NUBP1: variants seen among roughly 807,000 people sequenced by gnomAD.
NUBP1 encodes NUBP iron-sulfur cluster assembly factor 1, cytosolic.
Under a neutral mutation model 41.8 loss-of-function variants are expected in NUBP1, and 46 were observed. The observed-to-expected ratio is 1.10, with a 90% CI of 0.87 to 1.41. NUBP1 has a LOEUF of 1.41. NUBP1 is among the 40% of genes most tolerant of loss of function. NUBP1 has a pLI of 0.00. For synonymous variants in NUBP1, 189 were observed against 154.6 expected (o/e 1.22, Z -1.65); for missense variants, 494 against 414.0 (o/e 1.19, Z -1.68).
At chr16:10,748,489 C>G (rs992477636) in intron 3 of NUBP1, among the ~76,000 whole-genome samples, 1 of 152,100 alleles carries the variant, frequency 6.6e-6, no homozygotes, top group Middle Eastern at 3.2e-3. Flanking sequence ...AGCACACACT[C>G]TGGAGTCAGA....
Position 10,759,495 on chromosome 16 carries a change from T to C in NUBP1, c.606+1468T>C, listed in dbSNP as rs538881507. Among the ~76,000 whole-genome samples the C allele has an allele frequency of 6.6e-6, 1 of 152,192 alleles. No individual in the cohort carries two copies. Among genetic ancestry groups the C allele is most frequent in the South Asian group, 2.1e-4 (1 of 4,830 alleles). On this transcript the variant is annotated intron_variant, in intron 7 of 10. Transcript: ENST00000283027. This position sits in a 1 kb window ranked among gnomAD's most constrained non-coding sequence, Gnocchi z 4.7. ...CCCATTTTTAAAAAGTGGTTGGTGC[T>C]GGGCACACTGGCTCATGTCTGTAAT...
Position 10,749,865 on chromosome 16 carries a change from G to A in NUBP1, c.258+2589G>A, listed in dbSNP as rs1357132668. On this transcript the variant is annotated intron_variant, in intron 3 of 10. Coordinates refer to ENST00000283027, the MANE Select transcript of NUBP1 (RefSeq NM_002484.4). The surrounding 1 kb of genome is among the most constrained non-coding windows in gnomAD (Gnocchi z 4.1). ...AGCAGAATTAGAAAACACCCCTGAC[G>A]AGTCACAGGCTGCCCAGGGAGTGTG... Among the ~76,000 whole-genome samples, 1 of 152,196 alleles carries A rather than the reference G, an allele frequency of 6.6e-6. No individual in the cohort carries two copies. The highest frequency in any genetic ancestry group is 1.5e-5 in the Non-Finnish European group (1 of 68,042).
At chr16:10,750,289 G>A (rs1297811842) in intron 3 of NUBP1, among the ~76,000 whole-genome samples, 1 of 152,178 alleles carries the variant, frequency 6.6e-6, no homozygotes, top group Non-Finnish European at 1.5e-5. Flanking sequence ...CTTTTGCCCA[G>A]GCTGGAGTGC....
Position 10,767,247 on chromosome 16 carries a change from T to C in NUBP1, c.821-702T>C, listed in dbSNP as rs1470836223. The C allele has an allele frequency of 1.8e-5, 7 of 399,714 alleles. No homozygotes were observed. The East Asian group carries it at 2.5e-4, about 14-fold the overall frequency. 24.8% of individuals were successfully genotyped at this position (399,714 alleles called of 1,614,324 possible). On this transcript the variant is annotated intron_variant, in intron 9 of 10. Coordinates refer to ENST00000283027, the MANE Select transcript of NUBP1 (RefSeq NM_002484.4). This position sits in a 1 kb window ranked among gnomAD's most constrained non-coding sequence, Gnocchi z 4.6. ...AGGCGAGAACACCCCCATTGACCCCTAGCCCCTTGTGTCCTGTCCACCTGG... is the reference window on the plus strand; with the variant it reads ...AGGCGAGAACACCCCCATTGACCCCCAGCCCCTTGTGTCCTGTCCACCTGG...
In NUBP1 at chr16:10,757,655, A is replaced by T. The variant is rs1900647615; in HGVS notation, c.452-218A>T. On this transcript the variant is annotated intron_variant, in intron 6 of 10. Transcript: ENST00000283027. This position sits in a 1 kb window ranked among gnomAD's most constrained non-coding sequence, Gnocchi z 4.1. The stretch of plus-strand genomic sequence containing the variant: ...ACTTACAGCATAGACCAAAGGCACA[A>T]AAAGATCAGATCATGCTTCTCCGTG... 6.6e-6 allele frequency among the ~76,000 whole-genome samples: 1 copy of T among 152,196 alleles called. No individual in the cohort carries two copies. The highest frequency in any genetic ancestry group is 1.5e-5 in the Non-Finnish European group (1 of 68,026).
At chr16:10,750,682 C>A (rs1029402939) in intron 3 of NUBP1, among the ~76,000 whole-genome samples, 2 of 152,200 alleles carry the variant, frequency 1.3e-5, no homozygotes, top group African/African-American at 4.8e-5. Flanking sequence ...GCCTTGATGA[C>A]CCCGGAGCAG....
intron 9 of NUBP1, chr16:10,762,238 G>A (rs928430194): frequency 2.9e-5 from 5 of 174,584 alleles, no homozygotes; most frequent in Non-Finnish European, 4.9e-5. Flanking sequence ...GGAAGGGGCC[G>A]GGCCTCCTGT....
chr16:10,747,197 T>C lies in NUBP1; in HGVS notation c.179T>C (p.Leu60Ser). Residue 60 changes from leucine to serine, a missense_variant, in exon 3 of 11, where the codon TTG (leucine) becomes TCG (serine). By Grantham distance (145) the Leu-to-Ser change is moderately radical (BLOSUM62 -2). Coordinates refer to ENST00000283027, the MANE Select transcript of NUBP1 (RefSeq NM_002484.4). The part of the protein sequence containing the change: ...MKTVKHKILV[L>S]SGKGGVGKST... ...ACTGTAAAACACAAAATCTTGGTAT[T>C]GTCTGGGAAAGGCGGTGTTGGGAAA... The C allele has an allele frequency of 6.2e-7, 1 of 1,614,206 alleles. No homozygotes were observed. Among genetic ancestry groups the C allele is most frequent in the Non-Finnish European group, 8.5e-7 (1 of 1,180,028 alleles).
At chr16:10,745,666 A>C (rs1300235335) in intron 2 of NUBP1, among the ~76,000 whole-genome samples, 1 of 152,226 alleles carries the variant, frequency 6.6e-6, no homozygotes, top group Non-Finnish European at 1.5e-5. Flanking sequence ...AGCATGCAGG[A>C]AAAAGTGCAG....
chr16:10,768,917 C>CAGG lies in NUBP1; in HGVS notation c.905-129_905-128insGGA. On this transcript the variant is annotated intron_variant, in intron 10 of 10. Coordinates refer to ENST00000283027, the MANE Select transcript of NUBP1 (RefSeq NM_002484.4). The surrounding 1 kb of genome is among the most constrained non-coding windows in gnomAD (Gnocchi z 4.3). ...TTTCAAAGACTCAGGGCATCACAGA[C>CAGG]ACAGGTCTTTTTATGGAACTAGCCA... is the stretch of plus-strand genomic sequence containing the variant. 1.3e-6 allele frequency: 1 copy of CAGG among 755,072 alleles called. No individual in the cohort carries two copies. Among genetic ancestry groups the CAGG allele is most frequent in the Non-Finnish European group, 2.3e-6 (1 of 440,124 alleles). The allele number at this position is 755,072 out of a possible 1,614,324, so 46.8% of individuals were successfully genotyped here. A position where few individuals can be genotyped will look rare whatever the true frequency, so the allele number is the denominator to read the frequency against.
chr16:10,746,249 G>A lies in NUBP1; in HGVS notation c.125-894G>A, dbSNP rs1317531963. 3.9e-5 allele frequency among the ~76,000 whole-genome samples: 6 copies of A among 152,284 alleles called. No individual in the cohort carries two copies. The South Asian group carries it at 8.3e-4, about 21-fold the overall frequency. On this transcript the variant is annotated intron_variant, in intron 2 of 10. Transcript: ENST00000283027. ...TTTATACCTCGTGTATTGTTTTAAG[G>A]ATTTGAAATAAGATAGTTTCATTGG...
chr16:10,744,772 T>C (rs1899986487), intron 2 of NUBP1, among the ~76,000 whole-genome samples: 1 of 151,748 alleles, frequency 6.6e-6, no homozygotes, highest in African/African-American at 2.4e-5. Context: ...TCCCCCTTTT[T>C]TTTTAGACAG....
At position 10,766,666 on chromosome 16, in the gene NUBP1, A is replaced by G. The variant is rs1014940457; in HGVS notation, c.821-1283A>G. The G allele has an allele frequency of 6.6e-6, 2 of 301,486 alleles. No individual in the cohort carries two copies. Among genetic ancestry groups the G allele is most frequent in the Non-Finnish European group, 1.2e-5 (2 of 165,398 alleles). The allele number at this position is 301,486 out of a possible 1,614,324, so 18.7% of individuals were successfully genotyped here. ...TGTCTGGAACAAAAAATTGGACAAA[A>G]CGCACAAAGAAAGGAAGGAAGGAAG... On this transcript the variant is annotated intron_variant, in intron 9 of 10. Transcript: ENST00000283027. This position sits in a 1 kb window ranked among gnomAD's most constrained non-coding sequence, Gnocchi z 4.8.
In NUBP1 at chr16:10,757,453, T is replaced by C. The variant is rs1900634013; in HGVS notation, c.452-420T>C. Among the ~76,000 whole-genome samples, 1 of 152,176 alleles carries C rather than the reference T, an allele frequency of 6.6e-6. No homozygotes were observed. On this transcript the variant is annotated intron_variant, in intron 6 of 10. Transcript: ENST00000283027. The surrounding 1 kb of genome is among the most constrained non-coding windows in gnomAD (Gnocchi z 4.1). ...CAAGCTTTAGCCTCAGCACTATTGA[T>C]ATTTTGAGCCAGATAAGTCTTTGTT... is the stretch of plus-strand genomic sequence containing the variant.
At chr16:10,748,502 G>A (rs1900162617) in intron 3 of NUBP1, among the ~76,000 whole-genome samples, 1 of 149,714 alleles carries the variant, frequency 6.7e-6, no homozygotes, top group Non-Finnish European at 1.5e-5. Context: ...GAGTCAGACA[G>A]CCCAAACTCA....
Position 10,749,986 on chromosome 16 carries a change from G to A in NUBP1, c.259-2624G>A, listed in dbSNP as rs865788553. The stretch of plus-strand genomic sequence containing the variant: ...ACTGTCTTCCACTGCAAAAGTCACC[G>A]ACTCCCAGCCTGGGCTTCAAAGTGA... On this transcript the variant is annotated intron_variant, in intron 3 of 10. Transcript: ENST00000283027. The surrounding 1 kb of genome is among the most constrained non-coding windows in gnomAD (Gnocchi z 4.1). 2.6e-5 allele frequency among the ~76,000 whole-genome samples: 4 copies of A among 152,150 alleles called. No individual in the cohort carries two copies. The highest frequency in any genetic ancestry group is 4.8e-5 in the African/African-American group (2 of 41,434).
chr16:10,760,340 C>T (rs1900858100), intron 7 of NUBP1, among the ~76,000 whole-genome samples: 2 of 152,226 alleles, frequency 1.3e-5, no homozygotes, highest in Admixed American at 1.3e-4. Context: ...TTTATAAAAC[C>T]AGCCAGATTC....
At chr16:10,761,067 T>G (rs1900931983) in intron 7 of NUBP1, 1 of 288,876 alleles carries the variant, frequency 3.5e-6, no homozygotes, top group African/African-American at 2.2e-5. Flanking sequence ...GTCAAACACT[T>G]ACAAAACCAT....
At chr16:10,745,705 T>C (rs1219883242) in intron 2 of NUBP1, among the ~76,000 whole-genome samples, 1 of 152,150 alleles carries the variant, frequency 6.6e-6, no homozygotes, top group Non-Finnish European at 1.5e-5. Context: ...GTTACATTCT[T>C]GTGAGGTTTT....
Sources: allele counts gnomAD v4.1 joint callset (sites outside exome capture counted in the v4.1 genomes callset), GRCh38; gene constraint gnomAD v4.1.1; non-coding constraint Gnocchi (gnomAD v3.1); transcripts MANE v1.5; gene names NCBI Gene and HGNC (gene_info 2026-07-23, HGNC 2026-07-21).